The following ASTN2 variants were observed in gnomAD, a reference collection of about 807,000 sequenced individuals.
ASTN2 encodes astrotactin 2, also known as astrotactin-2.
ASTN2 carries 54 observed loss-of-function variants against 139.8 expected under a neutral mutation model. The ratio of observed to expected loss-of-function variants is 0.39; its 90% CI spans 0.31 to 0.48. The LOEUF (loss-of-function observed/expected upper bound fraction) is 0.48, where lower values mean the gene tolerates loss of function less well. Among genes scored for constraint, ASTN2 ranks in the 20% least tolerant of loss-of-function variants. The pLI, the probability that ASTN2 is intolerant of heterozygous loss-of-function variation, is 0.95. For synonymous variants in ASTN2, 756 were observed against 719.5 expected (o/e 1.05, Z -0.81); for missense variants, 1,565 against 1,725.1 (o/e 0.91, Z 1.64).
chr9:117,132,686 C>G (rs1829854105), intron 4 of ASTN2, among the ~76,000 whole-genome samples: 1 of 152,202 alleles, frequency 6.6e-6, no homozygotes, highest in African/African-American at 2.4e-5. Context: ...TCTTATGTCT[C>G]AGTACAATAC....
At position 116,700,293 on chromosome 9, in the gene ASTN2, G is replaced by A. The variant is rs16933835; in HGVS notation, c.2806+25478C>T. ...CCAAAGGGGATACACAAGCCCTTTA[G>A]GAAGCAGTACCTCTCGCCTGGAGGA... is the stretch of plus-strand genomic sequence containing the variant. On this transcript the variant is annotated intron_variant, in intron 16 of 22. Coordinates refer to ENST00000313400, the MANE Select transcript of ASTN2 (RefSeq NM_001365068.1). 2,341 of 169,708 alleles carry A rather than the reference G, an allele frequency of 0.014. 62 individuals carry two copies. The highest frequency in any genetic ancestry group is 0.054 in the African/African-American group (2,254 of 41,550). The allele number at this position is 169,708 out of a possible 1,614,324, so 10.5% of individuals were successfully genotyped here. A position where few individuals can be genotyped will look rare whatever the true frequency, so the allele number is the denominator to read the frequency against.
chr9:116,573,323 T>A lies in ASTN2; in HGVS notation c.3355+45001A>T, dbSNP rs572376619. Among the ~76,000 whole-genome samples the A allele has an allele frequency of 6.6e-5, 10 of 152,272 alleles. No homozygotes were observed. In the South Asian group the frequency reaches 2.1e-3, roughly 32 times the overall value. ...AAAGTGTGTTCTTCAGAACATTACC[T>A]CCCATGAGACATTAATAGTTATTTG... is the stretch of plus-strand genomic sequence containing the variant. On this transcript the variant is annotated intron_variant, in intron 19 of 22. Coordinates refer to ENST00000313400, the MANE Select transcript of ASTN2 (RefSeq NM_001365068.1).
chr9:116,996,560 AAGG>A (rs920946748), intron 7 of ASTN2, among the ~76,000 whole-genome samples: 22 of 152,090 alleles, frequency 1.4e-4, no homozygotes, highest in African/African-American at 5.1e-4. Flanking sequence ...CAAGAAAGAT[AAGG>A]AGGAGTGAAC....
At chr9:117,298,730 GTGTATA>G (rs759517589) in intron 1 of ASTN2, among the ~76,000 whole-genome samples, 4 of 132,422 alleles carry the variant, frequency 3.0e-5, no homozygotes, top group Non-Finnish European at 6.7e-5. Flanking sequence ...GTGTGTGTGT[GTGTATA>G]TATATATATC....
intron 10 of ASTN2, among the ~76,000 whole-genome samples, chr9:116,939,518 G>A (rs1835169470): frequency 6.6e-6 from 1 of 151,934 alleles, no homozygotes; most frequent in South Asian, 2.1e-4. Context: ...CTACCAAAGG[G>A]CTCATCACAC....
At chr9:117,183,696 C>A (rs979855478) in intron 3 of ASTN2, among the ~76,000 whole-genome samples, 1 of 152,208 alleles carries the variant, frequency 6.6e-6, no homozygotes, top group Non-Finnish European at 1.5e-5. Context: ...CTTCACCTTC[C>A]CTCTCAGATA....
chr9:116,962,165 T>C (rs1835891931), intron 10 of ASTN2, among the ~76,000 whole-genome samples: 1 of 152,248 alleles, frequency 6.6e-6, no homozygotes, highest in African/African-American at 2.4e-5. Flanking sequence ...CTTTTCTTCC[T>C]CTGTTGATTC....
At chr9:117,219,943 G>A (rs1832460584) in intron 2 of ASTN2, among the ~76,000 whole-genome samples, 2 of 152,294 alleles carry the variant, frequency 1.3e-5, no homozygotes, top group South Asian at 4.1e-4. Flanking sequence ...GCCAGCATGA[G>A]AATCCCTGCT....
At chr9:117,315,710 A>G (rs949272493) in intron 1 of ASTN2, among the ~76,000 whole-genome samples, 1 of 152,176 alleles carries the variant, frequency 6.6e-6, no homozygotes, top group African/African-American at 2.4e-5. Flanking sequence ...TCAGTTCCTT[A>G]AATTCAGCCC....
chr9:116,526,338 A>G (rs1033728440), intron 19 of ASTN2, among the ~76,000 whole-genome samples: 1 of 152,196 alleles, frequency 6.6e-6, no homozygotes, highest in African/African-American at 2.4e-5. Context: ...AAGACTGGGC[A>G]CGGTGGCTCA....
chr9:116,727,013 AACACACACACACACAC>A (rs34050784), intron 15 of ASTN2, among the ~76,000 whole-genome samples: 1,664 of 144,524 alleles, frequency 0.012, 24 homozygotes, highest in African/African-American at 0.04. Flanking sequence ...CACTACACTC[AACACACACACACACAC>A]ACACACACAC....
intron 1 of ASTN2, among the ~76,000 whole-genome samples, chr9:117,363,965 A>G (rs1829763142): frequency 6.6e-6 from 1 of 152,104 alleles, no homozygotes; most frequent in African/African-American, 2.4e-5. Context: ...TTTTGTATCC[A>G]CCTGTCTAAA....
chr9:117,016,624 C>A (rs12376774), intron 6 of ASTN2, among the ~76,000 whole-genome samples: 8,374 of 19,830 alleles, frequency 0.42, 1,729 homozygotes, highest in Middle Eastern at 0.65. Context: ...ATCTATCTAT[C>A]TATATATATA....
intron 5 of ASTN2, among the ~76,000 whole-genome samples, chr9:117,047,875 C>CCTATCATCAT (rs1838790771): frequency 6.6e-6 from 1 of 152,048 alleles, no homozygotes; most frequent in Non-Finnish European, 1.5e-5. Flanking sequence ...ATCATCACTA[C>CCTATCATCAT]CACTATCACT....
chr9:116,814,943 A>G lies in ASTN2; in HGVS notation c.2207+5674T>C, dbSNP rs149916559. Among the ~76,000 whole-genome samples the G allele has an allele frequency of 4.5e-3, 687 of 152,362 alleles. 6 individuals carry two copies. Among genetic ancestry groups the G allele is most frequent in the African/African-American group, 0.015 (618 of 41,582 alleles). On this transcript the variant is annotated intron_variant, in intron 12 of 22. Coordinates refer to ENST00000313400, the MANE Select transcript of ASTN2 (RefSeq NM_001365068.1). ...GAGCTTTTACAAATGTTTAAAAAGA[A>G]GAGAAAACAAGGTTATAATGTTTGA... is the stretch of plus-strand genomic sequence containing the variant.
At chr9:117,245,205 A>G (rs1588128069) in intron 2 of ASTN2, among the ~76,000 whole-genome samples, 1 of 152,304 alleles carries the variant, frequency 6.6e-6, no homozygotes, top group East Asian at 1.9e-4. Context: ...AGACGAATGC[A>G]TCCATTTCAA....
intron 20 of ASTN2, among the ~76,000 whole-genome samples, chr9:116,477,344 G>T (rs892799369): frequency 1.3e-5 from 2 of 152,046 alleles, no homozygotes; most frequent in Non-Finnish European, 2.9e-5. Context: ...ATGTTAGATG[G>T]AATTGAGTCG....
intron 2 of ASTN2, among the ~76,000 whole-genome samples, chr9:117,261,523 C>T (rs1210953530): frequency 2.0e-5 from 3 of 152,126 alleles, no homozygotes; most frequent in Non-Finnish European, 4.4e-5. Context: ...TCAATAAATG[C>T]CCAGCCAAGC....
intron 4 of ASTN2, among the ~76,000 whole-genome samples, chr9:117,113,045 CACA>C (rs1412758825): frequency 1.3e-5 from 2 of 152,142 alleles, no homozygotes; most frequent in Non-Finnish European, 2.9e-5. Flanking sequence ...GATACAACTG[CACA>C]ACAATTAGAA....
Sources: allele counts gnomAD v4.1 joint callset (sites outside exome capture counted in the v4.1 genomes callset), GRCh38; gene constraint gnomAD v4.1.1; transcripts MANE v1.5; gene names NCBI Gene and HGNC (gene_info 2026-07-23, HGNC 2026-07-21).